The following SSH1 variants were observed in gnomAD, a reference collection of about 807,000 sequenced individuals.
SSH1 encodes the protein protein phosphatase Slingshot homolog 1.
Under a neutral mutation model 79.7 loss-of-function variants are expected in SSH1, and 43 were observed. The observed-to-expected ratio is 0.54, with a 90% confidence interval of 0.42 to 0.70. The LOEUF is 0.70. Ranked by LOEUF, SSH1 falls within the 30% of genes least tolerant of loss-of-function variation. SSH1 has a pLI of 0.00. For missense variants in SSH1, 1,206 were observed against 1,358.8 expected, an observed-to-expected ratio of 0.89 and a Z score of 1.77; for synonymous variants, 599 against 538.3, an observed-to-expected ratio of 1.11 and a Z score of -1.56.
intron 5 of SSH1, among the ~76,000 whole-genome samples, chr12:108,816,712 G>T (rs536398820): frequency 6.6e-6 from 1 of 152,200 alleles, no homozygotes; most frequent in Non-Finnish European, 1.5e-5. Flanking sequence ...TCTGGGTTCG[G>T]CGTTGTTGTC....
Position 108,811,252 on chromosome 12 carries a change from C to T in SSH1, c.470+8G>A. On this transcript the variant is annotated splice_region_variant and intron_variant, in intron 6 of 14. Coordinates refer to ENST00000326495, the MANE Select transcript of SSH1 (RefSeq NM_018984.4). ...CAGTGAGAGAATCTTTTAAAGAGACCTCCTTACCCATCTCCATCAAGGTGG... is the reference window on the plus strand; with the variant it reads ...CAGTGAGAGAATCTTTTAAAGAGACTTCCTTACCCATCTCCATCAAGGTGG... The T allele has an allele frequency of 6.2e-7, 1 of 1,613,986 alleles. No individual in the cohort carries two copies. Among genetic ancestry groups the T allele is most frequent in the Middle Eastern group, 1.6e-4 (1 of 6,062 alleles).
Position 108,789,255 on chromosome 12 carries a change from G to C in SSH1, c.1894-11C>G, listed in dbSNP as rs1283026709. The C allele has an allele frequency of 1.3e-6, 2 of 1,585,066 alleles. No individual in the cohort carries two copies. Among genetic ancestry groups the C allele is most frequent in the Non-Finnish European group, 1.7e-6 (2 of 1,164,676 alleles). On this transcript the variant is annotated splice_polypyrimidine_tract_variant and intron_variant, in intron 14 of 14. Transcript: ENST00000326495. ...AAATATAGCATCATCCTGCAAGGAA[G>C]GGGACAAGAGCATGGTGAGACGGTG...
chr12:108,790,819 G>A (rs1405986205), intron 14 of SSH1, among the ~76,000 whole-genome samples: 1 of 152,220 alleles, frequency 6.6e-6, no homozygotes, highest in Non-Finnish European at 1.5e-5. Flanking sequence ...CCTGTGAGAT[G>A]GGCAGGTGAA....
At chr12:108,842,820 A>T (rs1394464083) in intron 2 of SSH1, among the ~76,000 whole-genome samples, 2 of 152,180 alleles carry the variant, frequency 1.3e-5, no homozygotes, top group African/African-American at 4.8e-5. Flanking sequence ...TCTACCGTTT[A>T]CTACTAAATA....
intron 2 of SSH1, among the ~76,000 whole-genome samples, chr12:108,842,167 A>G (rs1455900462): frequency 2.0e-5 from 3 of 152,230 alleles, no homozygotes; most frequent in Admixed American, 6.5e-5. Context: ...AAAAAATTGA[A>G]GGCAAATTCT....
At chr12:108,837,989 G>T (rs941102834) in intron 2 of SSH1, among the ~76,000 whole-genome samples, 1 of 152,032 alleles carries the variant, frequency 6.6e-6, no homozygotes. Flanking sequence ...TCACTATGCT[G>T]CCAGGGCTGG....
At chr12:108,841,587 C>G (rs1187179001) in intron 2 of SSH1, among the ~76,000 whole-genome samples, 10 of 152,168 alleles carry the variant, frequency 6.6e-5, no homozygotes, top group Non-Finnish European at 1.5e-4. Context: ...GCGAGTGGAT[C>G]ACCTGAGGTC....
Position 108,787,688 on chromosome 12 carries a change from A to G in SSH1, c.*300T>C, listed in dbSNP as rs182201096. The G allele has an allele frequency of 2.2e-4, 97 of 439,962 alleles. No individual in the cohort carries two copies. The highest frequency in any genetic ancestry group is 1.6e-3 in the African/African-American group (81 of 50,146). 27.3% of individuals were successfully genotyped at this position (439,962 alleles called of 1,614,324 possible). A position where few individuals can be genotyped will look rare whatever the true frequency, so the allele number is the denominator to read the frequency against. On this transcript the variant is annotated 3_prime_UTR_variant, in exon 15 of 15. Coordinates refer to ENST00000326495, the MANE Select transcript of SSH1 (RefSeq NM_018984.4). ...GGGAACAGTCTGGATGTGTGCGCCT[A>G]TGTGTGCACGTTCTTCCTAAAACAT... is the stretch of plus-strand genomic sequence containing the variant.
chr12:108,833,049 T>C (rs2038512656), intron 2 of SSH1, among the ~76,000 whole-genome samples: 1 of 152,190 alleles, frequency 6.6e-6, no homozygotes, highest in African/African-American at 2.4e-5. Context: ...TCCAAAAGTA[T>C]TTCAGACAGT....
At chr12:108,842,000 G>A (rs2038790020) in intron 2 of SSH1, among the ~76,000 whole-genome samples, 1 of 151,730 alleles carries the variant, frequency 6.6e-6, no homozygotes, top group South Asian at 2.1e-4. Context: ...AAGGTGGTGT[G>A]CACCTGTGGT....
In SSH1 at chr12:108,827,641, T is replaced by C. The variant is rs145720302; in HGVS notation, c.111-4280A>G. The stretch of plus-strand genomic sequence containing the variant: ...ATCACTGCACTCCTACGGGCTTTTC[T>C]GTAGGCCGGAGAAACAAGCACCGGG... On this transcript the variant is annotated intron_variant, in intron 2 of 14. Transcript: ENST00000326495. The C allele has an allele frequency of 3.0e-5, 32 of 1,067,928 alleles. No homozygotes were observed. In the East Asian group the frequency reaches 1.1e-3, roughly 36 times the overall value. The allele number at this position is 1,067,928 out of a possible 1,614,324, so 66.2% of individuals were successfully genotyped here.
chr12:108,844,034 C>T (rs2038839188), intron 2 of SSH1, among the ~76,000 whole-genome samples: 1 of 152,130 alleles, frequency 6.6e-6, no homozygotes, highest in African/African-American at 2.4e-5. Flanking sequence ...TCATTCCCAA[C>T]AGAAGCTGTT....
chr12:108,792,544 A>C lies in SSH1; in HGVS notation c.1635T>G (p.Ala545=). The change falls in exon 14 of 15, where the codon GCT becomes GCG. Residue 545 remains alanine, a synonymous_variant. Coordinates refer to ENST00000326495, the MANE Select transcript of SSH1 (RefSeq NM_018984.4). The part of the protein sequence containing the change: ...PEREALLEEA[A]PPAEVHRPAR... The stretch of plus-strand genomic sequence containing the variant: ...CCGGCCTGTGCACCTCTGCAGGTGG[A>C]GCAGCTTCCTCCAACAGAGCCTCCC... 6.2e-7 allele frequency: 1 copy of C among 1,614,064 alleles called. No individual in the cohort carries two copies. The highest frequency in any genetic ancestry group is 8.5e-7 in the Non-Finnish European group (1 of 1,180,012).
At chr12:108,806,075 C>A (rs570685745) in intron 9 of SSH1, among the ~76,000 whole-genome samples, 1 of 152,288 alleles carries the variant, frequency 6.6e-6, no homozygotes, top group South Asian at 2.1e-4. Context: ...AAGAAATTCA[C>A]TCAATGTCTC....
At position 108,787,747 on chromosome 12, in the gene SSH1, T is replaced by G; in HGVS notation, c.*241A>C. The G allele has an allele frequency of 5.3e-6, 3 of 566,774 alleles. No homozygotes were observed. Among genetic ancestry groups the G allele is most frequent in the South Asian group, 4.1e-5 (2 of 48,918 alleles). The allele number at this position is 566,774 out of a possible 1,614,324, so 35.1% of individuals were successfully genotyped here. Reference sequence around the variant, plus strand: ...TTGAAGACACGGTGGGAGCGGAGTTTTGTGTCTCCTGGCCGGCGGCTCCTG... The same window carrying G: ...TTGAAGACACGGTGGGAGCGGAGTTGTGTGTCTCCTGGCCGGCGGCTCCTG... On this transcript the variant is annotated 3_prime_UTR_variant, in exon 15 of 15. Transcript: ENST00000326495.
At chr12:108,853,690 G>A (rs1241684650) in intron 1 of SSH1, among the ~76,000 whole-genome samples, 1 of 152,152 alleles carries the variant, frequency 6.6e-6, no homozygotes, top group Non-Finnish European at 1.5e-5. Flanking sequence ...GCAGGAGGCC[G>A]AGGTGGGCGG....
At chr12:108,830,366 C>A (rs979162212) in intron 2 of SSH1, among the ~76,000 whole-genome samples, 9 of 152,122 alleles carry the variant, frequency 5.9e-5, no homozygotes, top group African/African-American at 9.7e-5. Context: ...GCACGAGAAT[C>A]ACTTGTACCC....
At position 108,784,166 on chromosome 12, in the gene SSH1, C is replaced by G. The variant is rs945883009; in HGVS notation, c.*3822G>C. The G allele has an allele frequency of 6.6e-6, 1 of 152,190 alleles. No homozygotes were observed. The highest frequency in any genetic ancestry group is 1.5e-5 in the Non-Finnish European group (1 of 68,072). 9.4% of individuals were successfully genotyped at this position (152,190 alleles called of 1,614,324 possible). On this transcript the variant is annotated 3_prime_UTR_variant, in exon 15 of 15. Transcript: ENST00000326495. ...TGTTCCCACTAGAGAGAAAAGGTCC[C>G]CAGGAGAGTGGTAGGGAAATTCATC...
At chr12:108,800,425 G>C (rs1429121344) in intron 12 of SSH1, among the ~76,000 whole-genome samples, 1 of 152,158 alleles carries the variant, frequency 6.6e-6, no homozygotes, top group Non-Finnish European at 1.5e-5. Flanking sequence ...GACTTCCTAG[G>C]GGTGGGGCCC....
Sources: allele counts gnomAD v4.1 joint callset (sites outside exome capture counted in the v4.1 genomes callset), GRCh38; gene constraint gnomAD v4.1.1; transcripts MANE v1.5; gene names NCBI Gene and HGNC (gene_info 2026-07-23, HGNC 2026-07-21).